Variants in ZNF486 observed in about 807,000 individuals in gnomAD.
The protein encoded by ZNF486 is KRAB box only protein 2.
A neutral mutation model predicts 12.8 loss-of-function variants in ZNF486; 12 were observed. The observed-to-expected ratio is 0.94, with a 90% CI of 0.60 to 1.52. The LOEUF is 1.52. Ranked by LOEUF, ZNF486 falls within the 40% of genes most tolerant of loss-of-function variation. The pLI, the probability that ZNF486 is intolerant of heterozygous loss-of-function variation, is 0.00. For synonymous variants in ZNF486, 231 were observed against 184.9 expected, an observed-to-expected ratio of 1.25 and a Z score of -2.02; for missense variants, 738 against 545.0, an observed-to-expected ratio of 1.35 and a Z score of -3.53.
intron 3 of ZNF486, among the ~76,000 whole-genome samples, chr19:20,190,500 T>C (rs1178876730): frequency 6.6e-6 from 1 of 152,220 alleles, no homozygotes; most frequent in African/African-American, 2.4e-5. Context: ...TCCTTTCACC[T>C]CTGTTTTCTG....
At chr19:20,185,757 G>A (rs141623375) in intron 2 of ZNF486, among the ~76,000 whole-genome samples, 6 of 146,904 alleles carry the variant, frequency 4.1e-5, no homozygotes, top group African/African-American at 1.5e-4. Flanking sequence ...ATATAAGATT[G>A]TATGATCTAT....
At chr19:20,181,460 A>G (rs934660167) in intron 1 of ZNF486, among the ~76,000 whole-genome samples, 2 of 151,282 alleles carry the variant, frequency 1.3e-5, no homozygotes, top group Non-Finnish European at 2.9e-5. Context: ...AATGGCGTGA[A>G]CCCAGGAGGC....
chr19:20,188,572 T>C (rs2089872539), intron 3 of ZNF486: 1 of 397,778 alleles, frequency 2.5e-6, no homozygotes, highest in Non-Finnish European at 4.4e-6. Context: ...TGGTACCTGC[T>C]ACTTGGGAGA....
At chr19:20,190,208 AG>A (rs1275181101) in intron 3 of ZNF486, among the ~76,000 whole-genome samples, 1 of 152,126 alleles carries the variant, frequency 6.6e-6, no homozygotes, top group Non-Finnish European at 1.5e-5. Context: ...CTTTAACTGT[AG>A]GTTGTATTGA....
At chr19:20,172,393 C>A (rs2089658201) in intron 1 of ZNF486, among the ~76,000 whole-genome samples, 1 of 150,334 alleles carries the variant, frequency 6.7e-6, no homozygotes, top group Admixed American at 6.6e-5. Flanking sequence ...GCAACCTTCA[C>A]CTTCGAGTGA....
intron 1 of ZNF486, among the ~76,000 whole-genome samples, chr19:20,179,819 A>G (rs1555715290): frequency 1.3e-5 from 2 of 152,240 alleles, no homozygotes; most frequent in South Asian, 2.1e-4. Flanking sequence ...CCAGGAGGAA[A>G]TAGAATCTGA....
intron 1 of ZNF486, among the ~76,000 whole-genome samples, chr19:20,172,154 C>G (rs1175640779): frequency 6.6e-6 from 1 of 152,002 alleles, no homozygotes; most frequent in African/African-American, 2.4e-5. Context: ...CAAGCATGCA[C>G]CACCATGTCT....
chr19:20,194,747 G>A (rs1047279353), intron 3 of ZNF486, among the ~76,000 whole-genome samples: 9 of 151,882 alleles, frequency 5.9e-5, no homozygotes, highest in African/African-American at 2.2e-4. Flanking sequence ...AAATTCTCTG[G>A]TTATCTCATG....
intron 3 of ZNF486, 115 bp from the exon 4 acceptor site, chr19:20,196,849 C>T (rs2089963136): frequency 7.7e-7 from 1 of 1,295,222 alleles, no homozygotes; most frequent in Non-Finnish European, 1.0e-6. Flanking sequence ...CAGCTTGTGG[C>T]ATTTTGCTAT....
intron 1 of ZNF486, among the ~76,000 whole-genome samples, chr19:20,177,827 C>T (rs781873144): frequency 4.6e-5 from 7 of 150,708 alleles, no homozygotes; most frequent in Non-Finnish European, 5.9e-5. Flanking sequence ...CCACCCGCCT[C>T]GGCCTCCCAA....
In ZNF486 at chr19:20,188,211, CT is replaced by C. The variant is rs782484112; in HGVS notation, c.253+2137del. On this transcript the variant is annotated intron_variant, in intron 3 of 3. Coordinates refer to ENST00000335117, the MANE Select transcript of ZNF486 (RefSeq NM_052852.4). ...TTAAGTGAGTAGTCATGGAGATAGT[CT>C]TTTTTTTCACCATGTGTTTAATGAT... Among the ~76,000 whole-genome samples the C allele has an allele frequency of 2.6e-5, 4 of 151,730 alleles. No homozygotes were observed. In the East Asian group the frequency reaches 7.8e-4, roughly 29 times the overall value.
chr19:20,167,545 G>T (rs985409567), intron 1 of ZNF486, among the ~76,000 whole-genome samples, 185 bp downstream of exon 1: 1 of 152,154 alleles, frequency 6.6e-6, no homozygotes, highest in Non-Finnish European at 1.5e-5. Flanking sequence ...GTCCCGGGGC[G>T]TCCTGTCTCT....
intron 1 of ZNF486, among the ~76,000 whole-genome samples, chr19:20,173,699 G>T (rs899495479): frequency 2.0e-4 from 30 of 152,124 alleles, no homozygotes; most frequent in African/African-American, 7.2e-4. Flanking sequence ...AGGCGTGGTG[G>T]CGGGCGCCTG....
chr19:20,200,069 C>T lies in ZNF486; in HGVS notation c.*1967C>T, dbSNP rs988380387. On this transcript the variant is annotated 3_prime_UTR_variant, in exon 4 of 4. Transcript: ENST00000335117. ...CCAGCCTGGGCAACAGAGCAAGACT[C>T]CATCTCAAAAAAAAAAGTGTATTTG... 2.6e-5 allele frequency: 4 copies of T among 151,534 alleles called. No individual in the cohort carries two copies. The highest frequency in any genetic ancestry group is 4.4e-5 in the Non-Finnish European group (3 of 67,884). The allele number at this position is 151,534 out of a possible 1,614,324, so 9.4% of individuals were successfully genotyped here.
chr19:20,182,983 A>C (rs189774928), intron 1 of ZNF486, among the ~76,000 whole-genome samples: 215 of 152,240 alleles, frequency 1.4e-3, no homozygotes, highest in African/African-American at 4.6e-3. Flanking sequence ...GACCCCCATG[A>C]GTTTAGTACT....
chr19:20,196,659 T>C (rs1285482936), intron 3 of ZNF486, among the ~76,000 whole-genome samples: 13 of 152,242 alleles, frequency 8.5e-5, no homozygotes, highest in African/African-American at 3.1e-4. Flanking sequence ...CACAATGTTA[T>C]ACTGGAGAGC....
chr19:20,189,441 CT>C (rs35127916), intron 3 of ZNF486, among the ~76,000 whole-genome samples: 1 of 152,072 alleles, frequency 6.6e-6, no homozygotes, highest in East Asian at 1.9e-4. Context: ...ATGGCTGCAT[CT>C]TTGTTTTCCA....
chr19:20,193,793 T>A (rs771880309), intron 3 of ZNF486, among the ~76,000 whole-genome samples: 2 of 152,182 alleles, frequency 1.3e-5, no homozygotes, highest in Non-Finnish European at 2.9e-5. Context: ...TTTTCACTCA[T>A]TTTCTGTCTT....
chr19:20,197,269 G>A lies in ZNF486; in HGVS notation c.559G>A (p.Gly187Ser), dbSNP rs1675398465. 2 of 1,610,588 alleles carry A rather than the reference G, an allele frequency of 1.2e-6. No homozygotes were observed. The highest frequency in any genetic ancestry group is 2.7e-5 in the African/African-American group (2 of 74,498). The change falls in exon 4 of 4, where the codon GGT (glycine) becomes AGT (serine). Residue 187 changes from glycine (G) to serine (S), a missense_variant. Physicochemically the swap from Gly to Ser is moderately conservative, Grantham distance 56. Coordinates refer to ENST00000335117, the MANE Select transcript of ZNF486 (RefSeq NM_052852.4). ...TEKKPLKYIE[G>S]DKAFNQSSTH... ...AAAAAAACCTTTGAAATATATAGAA[G>A]GTGACAAAGCTTTTAACCAGTCCTC...
Sources: allele counts gnomAD v4.1 joint callset (sites outside exome capture counted in the v4.1 genomes callset), GRCh38; gene constraint gnomAD v4.1.1; transcripts MANE v1.5; gene names NCBI Gene and HGNC (gene_info 2026-07-23, HGNC 2026-07-21).